The following RAB38 variants were observed in gnomAD, a reference collection of about 807,000 sequenced individuals.
RAB38 encodes the protein RAB38, member RAS oncogene family.
Under a neutral mutation model 18.4 loss-of-function variants are expected in RAB38, and 15 were observed. The ratio of observed to expected loss-of-function variants is 0.82; its 90% CI spans 0.55 to 1.26. The LOEUF (loss-of-function observed/expected upper bound fraction) is 1.26, where lower values mean the gene tolerates loss of function less well. RAB38 is among the 50% of genes most tolerant of loss of function. The probability of loss-of-function intolerance (pLI) is 0.00; values close to 1 mark genes in which losing one functional copy is unlikely to be tolerated. For synonymous variants in RAB38, 101 were observed against 104.4 expected (o/e 0.97, Z 0.20); for missense variants, 294 against 267.4 (o/e 1.10, Z -0.69).
intron 2 of RAB38, among the ~76,000 whole-genome samples, chr11:88,118,703 T>C (rs762456543): frequency 6.6e-6 from 1 of 152,220 alleles, no homozygotes; most frequent in Non-Finnish European, 1.5e-5. Context: ...ATCTGCAGTA[T>C]GACAAGATGG....
At chr11:87,836,277 G>A in the RAB38 span, among the ~76,000 whole-genome samples, 1 of 152,162 alleles carries the variant, frequency 6.6e-6, no homozygotes, top group Non-Finnish European at 1.5e-5. Flanking sequence ...AAAAACAACT[G>A]TGCAGTTAGA....
the RAB38 span, among the ~76,000 whole-genome samples, chr11:88,077,018 GAAAA>G: frequency 9.1e-6 from 1 of 109,888 alleles, no homozygotes; most frequent in Admixed American, 9.0e-5. Context: ...GAAAAGAAAA[GAAAA>G]GAAAAGAAAG....
the RAB38 span, among the ~76,000 whole-genome samples, chr11:87,809,732 A>G: frequency 6.6e-6 from 1 of 152,204 alleles, no homozygotes; most frequent in Non-Finnish European, 1.5e-5. Flanking sequence ...TTTATTCACA[A>G]AGCTAGTTTT....
chr11:87,857,253 C>A, the RAB38 span, among the ~76,000 whole-genome samples: 75 of 152,284 alleles, frequency 4.9e-4, no homozygotes, highest in African/African-American at 1.4e-3. Flanking sequence ...TTTCTTAATC[C>A]AGTCTATCAC....
chr11:88,090,665 A>G, the RAB38 span, among the ~76,000 whole-genome samples: 9 of 152,104 alleles, frequency 5.9e-5, no homozygotes, highest in African/African-American at 1.9e-4. Flanking sequence ...AGATTACCCT[A>G]GGGTGGGCCC....
chr11:87,893,371 C>CATATATATATGTATATATATATAT, the RAB38 span, among the ~76,000 whole-genome samples: 4 of 86,446 alleles, frequency 4.6e-5, no homozygotes, highest in African/African-American at 1.7e-4. Context: ...ATATATTTTA[C>CATATATATATGTATATATATATAT]ATATATATAT....
the RAB38 span, among the ~76,000 whole-genome samples, chr11:88,066,139 C>T: frequency 6.6e-6 from 1 of 152,178 alleles, no homozygotes; most frequent in Non-Finnish European, 1.5e-5. Flanking sequence ...AACAAGTTTA[C>T]TTGGTTGTCA....
chr11:87,807,463 G>A, the RAB38 span, among the ~76,000 whole-genome samples: 1 of 152,194 alleles, frequency 6.6e-6, no homozygotes. Flanking sequence ...GCACAGCTAC[G>A]CTGTCTTCAC....
At chr11:87,946,514 G>C in the RAB38 span, among the ~76,000 whole-genome samples, 5 of 151,928 alleles carry the variant, frequency 3.3e-5, no homozygotes, top group African/African-American at 7.3e-5. Context: ...AGCATTAGGC[G>C]TATCTCCTAA....
At chr11:87,973,496 G>A in the RAB38 span, among the ~76,000 whole-genome samples, 2 of 151,980 alleles carry the variant, frequency 1.3e-5, no homozygotes, top group African/African-American at 4.8e-5. Context: ...AATGTTCTAG[G>A]TCTGAGGGTA....
chr11:87,935,674 G>C, the RAB38 span, among the ~76,000 whole-genome samples: 638 of 152,110 alleles, frequency 4.2e-3, 6 homozygotes, highest in African/African-American at 0.014. Context: ...TCAAGATGTT[G>C]ACATGGATAT....
the RAB38 span, among the ~76,000 whole-genome samples, chr11:87,906,348 G>C: frequency 5.3e-3 from 812 of 151,986 alleles, 9 homozygotes; most frequent in African/African-American, 0.019. Flanking sequence ...CTTTTGGATG[G>C]AGTAAATGTA....
chr11:88,073,634 A>G, the RAB38 span, among the ~76,000 whole-genome samples: 1 of 152,200 alleles, frequency 6.6e-6, no homozygotes, highest in Admixed American at 6.5e-5. Flanking sequence ...TACATCCACA[A>G]GAAACAACAG....
At chr11:87,962,353 G>C in the RAB38 span, among the ~76,000 whole-genome samples, 2 of 152,236 alleles carry the variant, frequency 1.3e-5, no homozygotes, top group East Asian at 3.9e-4. Flanking sequence ...GAATGAACCT[G>C]CAGGACATTA....
the RAB38 span, among the ~76,000 whole-genome samples, chr11:87,942,942 G>A: frequency 6.6e-6 from 1 of 152,158 alleles, no homozygotes; most frequent in Non-Finnish European, 1.5e-5. Flanking sequence ...CTGCATCTTT[G>A]TTTTATTCCT....
At chr11:87,937,206 G>T in the RAB38 span, among the ~76,000 whole-genome samples, 1 of 150,812 alleles carries the variant, frequency 6.6e-6, no homozygotes, top group East Asian at 2.0e-4. Context: ...TCATTGATGT[G>T]ATCAGGTAAC....
At chr11:87,902,999 C>T in the RAB38 span, among the ~76,000 whole-genome samples, 1 of 150,994 alleles carries the variant, frequency 6.6e-6, no homozygotes, top group African/African-American at 2.4e-5. Flanking sequence ...CATAATGATG[C>T]TGTCCGTGAA....
the RAB38 span, among the ~76,000 whole-genome samples, chr11:87,926,676 T>G: frequency 6.6e-6 from 1 of 152,008 alleles, no homozygotes; most frequent in Non-Finnish European, 1.5e-5. Context: ...CAGGTGACAG[T>G]CTGGGGCTGG....
At chr11:87,867,699 CA>C in the RAB38 span, among the ~76,000 whole-genome samples, 1 of 151,724 alleles carries the variant, frequency 6.6e-6, no homozygotes, top group African/African-American at 2.4e-5. Flanking sequence ...TGACTATGAA[CA>C]CTTAATATTT....
Sources: gnomAD v4.1 joint callset for allele counts (sites outside exome capture counted in the v4.1 genomes callset) on GRCh38, gnomAD v4.1.1 for gene constraint, MANE v1.5 for transcripts, NCBI Gene and HGNC (gene_info 2026-07-23, HGNC 2026-07-21) for gene names.